Variants in GEMIN7 observed in about 807,000 individuals in gnomAD.
GEMIN7 encodes the protein gem-associated protein 7.
In GEMIN7, 7 loss-of-function variants were observed where a neutral mutation model predicts 7.8. The ratio of observed to expected loss-of-function variants is 0.90; its 90% CI spans 0.51 to 1.69. The LOEUF (loss-of-function observed/expected upper bound fraction) is 1.69, where lower values mean the gene tolerates loss of function less well. GEMIN7 is among the 40% of genes most tolerant of loss of function. GEMIN7 has a pLI of 0.00. For synonymous variants in GEMIN7, 68 were observed against 72.4 expected (o/e 0.94, Z 0.31); for missense variants, 159 against 176.2 (o/e 0.90, Z 0.55).
chr19:45,083,204 G>A (rs1473280648), intron 2 of GEMIN7, among the ~76,000 whole-genome samples: 1 of 152,200 alleles, frequency 6.6e-6, no homozygotes, highest in African/African-American at 2.4e-5. Flanking sequence ...CCGGCACTTT[G>A]GGAAGCTGAA....
chr19:45,086,497 C>T (rs1600141482), intron 2 of GEMIN7, among the ~76,000 whole-genome samples: 1 of 152,138 alleles, frequency 6.6e-6, no homozygotes, highest in South Asian at 2.1e-4. Context: ...CATAGCATAG[C>T]GCTTCATATG....
chr19:45,081,968 C>G lies in GEMIN7; in HGVS notation c.-9+1939C>G, dbSNP rs561937881. On this transcript the variant is annotated intron_variant, in intron 2 of 2. Coordinates refer to ENST00000270257, the MANE Select transcript of GEMIN7 (RefSeq NM_024707.3). ...TAATCTGACCACTTCTCCCCATTCCCATTGTCCCCAGCCCATACTAGACGC... is the reference window on the plus strand; with the variant it reads ...TAATCTGACCACTTCTCCCCATTCCGATTGTCCCCAGCCCATACTAGACGC... Among the ~76,000 whole-genome samples the G allele has an allele frequency of 6.6e-5, 10 of 152,262 alleles. No homozygotes were observed. In the East Asian group the frequency reaches 1.9e-3, roughly 29 times the overall value.
At chr19:45,075,975 C>A (rs922462494), upstream of GEMIN7, 30 of 1,577,290 alleles carry the variant, frequency 1.9e-5, no homozygotes, top group Non-Finnish European at 2.5e-5. Context: ...CAGGACGGGG[C>A]GAAGGAGATA....
chr19:45,085,648 G>A (rs1234966970), intron 2 of GEMIN7: 3 of 152,104 alleles, frequency 2.0e-5, no homozygotes, highest in Non-Finnish European at 4.4e-5. Context: ...AGCCTAATAA[G>A]AAAAAGGACA....
rs1967869780 is a variant in GEMIN7 at position 45,090,729 on chromosome 19, C to G, written c.*219C>G. The G allele has an allele frequency of 3.5e-6, 2 of 568,980 alleles. No homozygotes were observed. Among genetic ancestry groups the G allele is most frequent in the Admixed American group, 6.3e-5 (2 of 31,870 alleles). The allele number at this position is 568,980 out of a possible 1,614,324, so 35.2% of individuals were successfully genotyped here. On this transcript the variant is annotated 3_prime_UTR_variant, in exon 3 of 3. Coordinates refer to ENST00000270257, the MANE Select transcript of GEMIN7 (RefSeq NM_024707.3). ...GATCCCATTGGAAGGAATGCTCTAC[C>G]TCACAGAACTCTGAACCCTACAGAA...
chr19:45,078,264 A>G (rs963172975), upstream of GEMIN7, among the ~76,000 whole-genome samples: 1 of 151,078 alleles, frequency 6.6e-6, no homozygotes, highest in Non-Finnish European at 1.5e-5. Context: ...TAATTTTTCT[A>G]TTTTTAGTAG....
At chr19:45,083,599 CT>C (rs1184251456) in intron 2 of GEMIN7, among the ~76,000 whole-genome samples, 4,290 of 48,234 alleles carry the variant, frequency 0.089, 187 homozygotes, top group African/African-American at 0.24. Context: ...AATTCTTCTT[CT>C]TTTTTTTTTT....
intron 2 of GEMIN7, among the ~76,000 whole-genome samples, chr19:45,087,216 T>C (rs1967723772): frequency 6.6e-6 from 1 of 152,184 alleles, no homozygotes; most frequent in Non-Finnish European, 1.5e-5. Context: ...CAATCTCTGC[T>C]CACTGCAACC....
In GEMIN7 at chr19:45,090,409, G is replaced by A. The variant is rs1967857803; in HGVS notation, c.295G>A (p.Val99Met). 1 of 1,614,204 alleles carries A rather than the reference G, an allele frequency of 6.2e-7. No individual in the cohort carries two copies. ...AAHFGATDLD[V>M]ANFYVSQLQT... ...CCACTTTGGAGCCACCGACCTGGAT[G>A]TGGCCAACTTCTACGTGTCACAGCT... The change falls in exon 3 of 3, where the codon GTG (valine) becomes ATG (methionine). Residue 99 changes from valine to methionine, a missense_variant. Physicochemically the swap from Val to Met is conservative, Grantham distance 21. Coordinates refer to ENST00000270257, the MANE Select transcript of GEMIN7 (RefSeq NM_024707.3).
intron 2 of GEMIN7, among the ~76,000 whole-genome samples, chr19:45,087,988 C>T (rs7260080): frequency 0.55 from 78,338 of 141,304 alleles, 22,965 homozygotes; most frequent in African/African-American, 0.68. Flanking sequence ...CTCTGTCGCC[C>T]AGGCTGGAGT....
At chr19:45,088,927 C>G (rs1967794582) in intron 2 of GEMIN7, among the ~76,000 whole-genome samples, 1 of 144,394 alleles carries the variant, frequency 6.9e-6, no homozygotes, top group African/African-American at 2.6e-5. Context: ...CATCAAACTC[C>G]CATCCATGCT....
chr19:45,089,458 G>A (rs1057301175), intron 2 of GEMIN7, among the ~76,000 whole-genome samples: 9 of 152,174 alleles, frequency 5.9e-5, no homozygotes, highest in African/African-American at 1.7e-4. Flanking sequence ...TTTCAAGCTA[G>A]CTCATGTGTG....
chr19:45,083,169 G>C (rs1967558502), intron 2 of GEMIN7, among the ~76,000 whole-genome samples: 2 of 152,214 alleles, frequency 1.3e-5, no homozygotes, highest in Non-Finnish European at 2.9e-5. Flanking sequence ...TTGCCCGCTG[G>C]GCGCGGTAGC....
chr19:45,082,832 G>T (rs1244798765), intron 2 of GEMIN7, among the ~76,000 whole-genome samples: 1 of 147,642 alleles, frequency 6.8e-6, no homozygotes, highest in African/African-American at 2.5e-5. Flanking sequence ...TATTGCTCAG[G>T]CTGGTCTTGA....
intron 2 of GEMIN7, among the ~76,000 whole-genome samples, chr19:45,089,694 T>C (rs1568433849): frequency 1.3e-5 from 2 of 152,072 alleles, no homozygotes; most frequent in African/African-American, 2.4e-5. Flanking sequence ...TATATATATA[T>C]ATTTTTAGAA....
intron 2 of GEMIN7, among the ~76,000 whole-genome samples, chr19:45,082,393 C>A (rs1013614799): frequency 6.6e-6 from 1 of 152,172 alleles, no homozygotes; most frequent in African/African-American, 2.4e-5. Context: ...ACCCTCTATC[C>A]CCCAGGCTGG....
upstream of GEMIN7, chr19:45,075,961 G>A: frequency 6.3e-7 from 1 of 1,581,496 alleles, no homozygotes; most frequent in South Asian, 1.1e-5. Flanking sequence ...GGGGGCCTGA[G>A]GGGCAGGACG....
chr19:45,083,596 CTTCT>C (rs1395988007), intron 2 of GEMIN7, among the ~76,000 whole-genome samples: 4 of 88,732 alleles, frequency 4.5e-5, no homozygotes, highest in African/African-American at 1.0e-4. Context: ...TCCAATTCTT[CTTCT>C]TTTTTTTTTT....
chr19:45,076,241 C>A, upstream of GEMIN7: 1 of 1,504,516 alleles, frequency 6.6e-7, no homozygotes, highest in Non-Finnish European at 8.8e-7. The surrounding 1 kb of genome is among the most constrained non-coding windows in gnomAD (Gnocchi z 4.9). Flanking sequence ...AGCCTTGGGG[C>A]CTGTTGGGGC....
Sources: gnomAD v4.1 joint callset for allele counts (sites outside exome capture counted in the v4.1 genomes callset) on GRCh38, gnomAD v4.1.1 for gene constraint, Gnocchi (gnomAD v3.1) non-coding constraint, MANE v1.5 for transcripts, NCBI Gene and HGNC (gene_info 2026-07-23, HGNC 2026-07-21) for gene names.